The following TLCD4 variants were observed in gnomAD, a reference collection of about 807,000 sequenced individuals.
The protein encoded by TLCD4 is TLC domain-containing protein 4.
TLCD4 carries 7 observed loss-of-function variants against 24.2 expected under a neutral mutation model. The observed-to-expected ratio is 0.29, with a 90% CI of 0.16 to 0.54. The LOEUF is 0.54. Ranked by LOEUF, TLCD4 falls within the 20% of genes least tolerant of loss-of-function variation. The pLI, the probability that TLCD4 is intolerant of heterozygous loss-of-function variation, is 0.95. For synonymous variants in TLCD4, 103 were observed against 106.4 expected (o/e 0.97, Z 0.20); for missense variants, 259 against 313.9 (o/e 0.82, Z 1.32).
At chr1:95,150,109 T>C in intron 3 of TLCD4, 99 bp from the exon 4 acceptor site, 2 of 1,435,620 alleles carry the variant, frequency 1.4e-6, no homozygotes, top group Non-Finnish European at 9.2e-7. Flanking sequence ...TGAGAATCTA[T>C]AGAAAGCAAT....
chr1:95,128,263 G>A lies in TLCD4; in HGVS notation c.-12+10646G>A, dbSNP rs1045118595. On this transcript the variant is annotated intron_variant, in intron 1 of 6. Coordinates refer to ENST00000370203, the MANE Select transcript of TLCD4 (RefSeq NM_152487.3). Reference sequence around the variant, plus strand: ...GGAGCTGAAGGGAGAGATGGAGAAGGCCTTTTTCTTTTTGGCTTCATTCTG... The same window carrying A: ...GGAGCTGAAGGGAGAGATGGAGAAGACCTTTTTCTTTTTGGCTTCATTCTG... 2.0e-5 allele frequency among the ~76,000 whole-genome samples: 3 copies of A among 152,084 alleles called. No homozygotes were observed. The East Asian group carries it at 5.8e-4, about 29-fold the overall frequency.
At chr1:95,109,063 C>T in the TLCD4 span, among the ~76,000 whole-genome samples, 1 of 152,104 alleles carries the variant, frequency 6.6e-6, no homozygotes, top group Non-Finnish European at 1.5e-5. Context: ...TGCAGTGGCT[C>T]ACACCTGTAA....
At chr1:95,174,907 C>T (rs950824953) in intron 6 of TLCD4, among the ~76,000 whole-genome samples, 2 of 152,208 alleles carry the variant, frequency 1.3e-5, no homozygotes, top group African/African-American at 4.8e-5. Context: ...TCCCAAGTAG[C>T]AGGGATTACA....
At chr1:95,150,679 T>C (rs1677470826) in intron 4 of TLCD4, among the ~76,000 whole-genome samples, 1 of 152,128 alleles carries the variant, frequency 6.6e-6, no homozygotes, top group Non-Finnish European at 1.5e-5. Context: ...TAAGCTTTTT[T>C]CTTTGTTTTT....
intron 2 of TLCD4, among the ~76,000 whole-genome samples, 154 bp downstream of exon 2, chr1:95,144,210 C>T (rs1319330594): frequency 6.6e-6 from 1 of 151,964 alleles, no homozygotes; most frequent in Non-Finnish European, 1.5e-5. Context: ...TAGATGATCT[C>T]ATGCAAAAAA....
At position 95,129,649 on chromosome 1, in the gene TLCD4, C is replaced by T. The variant is rs568102199; in HGVS notation, c.-12+12032C>T. Among the ~76,000 whole-genome samples, 23 of 152,172 alleles carry T rather than the reference C, an allele frequency of 1.5e-4. No individual in the cohort carries two copies. In the South Asian group the frequency reaches 3.9e-3, roughly 26 times the overall value. On this transcript the variant is annotated intron_variant, in intron 1 of 6. Coordinates refer to ENST00000370203, the MANE Select transcript of TLCD4 (RefSeq NM_152487.3). ...CCCAGCTACTCAGGAGGCTGAGACACGAGAATAGCTTGAACCTGGGAGGCA... is the reference window on the plus strand; with the variant it reads ...CCCAGCTACTCAGGAGGCTGAGACATGAGAATAGCTTGAACCTGGGAGGCA...
chr1:95,133,331 A>G (rs916330178), intron 1 of TLCD4, among the ~76,000 whole-genome samples: 2 of 152,046 alleles, frequency 1.3e-5, no homozygotes, highest in Non-Finnish European at 2.9e-5. Flanking sequence ...ACATGTATAC[A>G]TATGTAACAA....
intron 5 of TLCD4, among the ~76,000 whole-genome samples, chr1:95,162,998 A>G (rs1481178283): frequency 6.6e-6 from 1 of 152,090 alleles, no homozygotes; most frequent in Non-Finnish European, 1.5e-5. Flanking sequence ...GCTCTTCTCG[A>G]GGAGTATCTT....
At chr1:95,176,407 T>A (rs1571775176) in intron 6 of TLCD4, among the ~76,000 whole-genome samples, 1 of 152,060 alleles carries the variant, frequency 6.6e-6, no homozygotes, top group Non-Finnish European at 1.5e-5. Context: ...GCCAGGCTGG[T>A]CTCGAACTCT....
chr1:95,171,634 T>C (rs1678227746), intron 5 of TLCD4, among the ~76,000 whole-genome samples: 1 of 152,196 alleles, frequency 6.6e-6, no homozygotes, highest in Non-Finnish European at 1.5e-5. Flanking sequence ...AGGAAAGTTA[T>C]TATTGTATAT....
upstream of TLCD4, among the ~76,000 whole-genome samples, chr1:95,113,647 T>A (rs1676379277): frequency 1.3e-5 from 2 of 152,172 alleles, no homozygotes; most frequent in Non-Finnish European, 2.9e-5. Flanking sequence ...GATTTTTCAC[T>A]TATGTGTGTT....
At chr1:95,183,167 A>G (rs915329851) in intron 6 of TLCD4, among the ~76,000 whole-genome samples, 1 of 152,216 alleles carries the variant, frequency 6.6e-6, no homozygotes, top group Non-Finnish European at 1.5e-5. Context: ...GTGAATGGAC[A>G]GTGTAATTTT....
Position 95,193,380 on chromosome 1 carries a change from A to G in TLCD4, c.*1512A>G, listed in dbSNP as rs1465818484. The G allele has an allele frequency of 6.6e-6, 1 of 152,106 alleles. No homozygotes were observed. The highest frequency in any genetic ancestry group is 2.4e-5 in the African/African-American group (1 of 41,444). 9.4% of individuals were successfully genotyped at this position (152,106 alleles called of 1,614,324 possible). A position where few individuals can be genotyped will look rare whatever the true frequency, so the allele number is the denominator to read the frequency against. ...TTGCAATCCAAATATAGAATTATAT[A>G]TTTATCTATTATTGCCTTTATTCTT... On this transcript the variant is annotated 3_prime_UTR_variant, in exon 7 of 7. Transcript: ENST00000370203.
rs1340430703 is a variant in TLCD4, at chr1:95,162,483, C to G, written c.399+11064C>G. 2.6e-5 allele frequency among the ~76,000 whole-genome samples: 4 copies of G among 151,992 alleles called. No homozygotes were observed. In the East Asian group the frequency reaches 7.8e-4, roughly 29 times the overall value. On this transcript the variant is annotated intron_variant, in intron 5 of 6. Coordinates refer to ENST00000370203, the MANE Select transcript of TLCD4 (RefSeq NM_152487.3). Reference sequence around the variant, plus strand: ...TTGCCAGTCTGTGTCTTTTAATTGGCTCATTTAGCACATGTGCATTTAAGG... The same window carrying G: ...TTGCCAGTCTGTGTCTTTTAATTGGGTCATTTAGCACATGTGCATTTAAGG...
chr1:95,184,405 A>G lies in TLCD4; in HGVS notation c.474-7145A>G, dbSNP rs2101014416. On this transcript the variant is annotated intron_variant, in intron 6 of 6. Transcript: ENST00000370203. ...CCCTCCATCCTCTTTCCAAATGTAAATGTGAATTAGAGCAAATAATTCCTA... is the reference window on the plus strand; with the variant it reads ...CCCTCCATCCTCTTTCCAAATGTAAGTGTGAATTAGAGCAAATAATTCCTA... 1.3e-5 allele frequency among the ~76,000 whole-genome samples: 2 copies of G among 152,028 alleles called. 1 individual carries two copies. The highest frequency in any genetic ancestry group is 6.8e-3 in the Middle Eastern group (2 of 294).
chr1:95,104,047 G>C, the TLCD4 span, among the ~76,000 whole-genome samples: 1 of 152,162 alleles, frequency 6.6e-6, no homozygotes, highest in African/African-American at 2.4e-5. Context: ...GGCTTTGTAG[G>C]AGCCATAAAA....
chr1:95,191,628 C>G lies in TLCD4; in HGVS notation c.552C>G (p.Phe184Leu). Residue 184 changes from phenylalanine (F) to leucine (L), a missense_variant, in exon 7 of 7, where the codon TTC becomes TTG. By Grantham distance (22) the Phe-to-Leu change is conservative. Transcript: ENST00000370203. The stretch of plus-strand genomic sequence containing the variant: ...ATGGAATACTCATGACAGTAGTATT[C>G]TTCATCGTGCGGATTGCCTCAATGC... ...VINGILMTVV[F>L]FIVRIASMLP... 2.5e-6 allele frequency: 4 copies of G among 1,614,138 alleles called. No homozygotes were observed. Among genetic ancestry groups the G allele is most frequent in the Non-Finnish European group, 3.4e-6 (4 of 1,180,018 alleles).
the TLCD4 span, among the ~76,000 whole-genome samples, chr1:95,102,792 C>T: frequency 5.9e-5 from 9 of 152,090 alleles, no homozygotes; most frequent in East Asian, 1.9e-4. Context: ...CAGAAAAGAC[C>T]GTTATGTTCT....
At chr1:95,182,918 A>T (rs1164296155) in intron 6 of TLCD4, among the ~76,000 whole-genome samples, 1 of 152,192 alleles carries the variant, frequency 6.6e-6, no homozygotes, top group East Asian at 1.9e-4. Flanking sequence ...TGAAATAAAC[A>T]TGCTATGGGA....
Sources: allele counts gnomAD v4.1 joint callset (sites outside exome capture counted in the v4.1 genomes callset), GRCh38; gene constraint gnomAD v4.1.1; transcripts MANE v1.5; gene names NCBI Gene and HGNC (gene_info 2026-07-23, HGNC 2026-07-21).